Variants in CDC42BPG observed in about 807,000 individuals in gnomAD.
CDC42BPG encodes CDC42 binding protein kinase gamma.
A neutral mutation model predicts 192.2 loss-of-function variants in CDC42BPG; 157 were observed. That is an observed-to-expected ratio of 0.82 (90% CI 0.72 to 0.93). The LOEUF (loss-of-function observed/expected upper bound fraction) is 0.93. CDC42BPG is among the 40% of genes least tolerant of loss of function. CDC42BPG has a pLI of 0.00. For synonymous variants in CDC42BPG, 981 were observed against 918.5 expected (o/e 1.07, Z -1.23); for missense variants, 1,992 against 2,122.1 (o/e 0.94, Z 1.20).
chr11:64,830,252 C>G lies in CDC42BPG; in HGVS notation c.3309G>C (p.Gln1103His), dbSNP rs76424532. 814 of 1,607,750 alleles carry G rather than the reference C, an allele frequency of 5.1e-4. 4 individuals carry two copies. The African/African-American group carries it at 9.5e-3, about 19-fold the overall frequency. The change falls in exon 29 of 37, where the codon CAG becomes CAC. Residue 1103 changes from glutamine to histidine, a missense_variant. Physicochemically the swap from Gln to His is conservative, Grantham distance 24. Coordinates refer to ENST00000342711, the MANE Select transcript of CDC42BPG (RefSeq NM_017525.3). The stretch of plus-strand genomic sequence containing the variant: ...CCTCGGTGCCAAGCGCAAGTCGATC[C>G]TGGTCTGGTAGAGGGAGGCAGAGGG... ...PHTLCAAILD[Q>H]DRLALGTEEG...
At chr11:64,838,963 G>T in intron 7 of CDC42BPG, 61 bp from the exon 8 acceptor site, 1 of 1,610,122 alleles carries the variant, frequency 6.2e-7, no homozygotes, top group Non-Finnish European at 8.5e-7. Context: ...CTCACCTGCC[G>T]GTACTTCCAA....
In CDC42BPG at chr11:64,826,340, A is replaced by G. The variant is rs865935137; in HGVS notation, c.4599+130T>C. 13 of 683,746 alleles carry G rather than the reference A, an allele frequency of 1.9e-5. No individual in the cohort carries two copies. The Middle Eastern group carries it at 2.2e-3, about 117-fold the overall frequency. The allele number at this position is 683,746 out of a possible 1,614,324, so 42.4% of individuals were successfully genotyped here. A position where few individuals can be genotyped will look rare whatever the true frequency, so the allele number is the denominator to read the frequency against. ...TGGGGTGAGACAGGTAAGAATCTGC[A>G]TCTCGTAGAATCGAGGGCAGGGATG... On this transcript the variant is annotated intron_variant, in intron 36 of 36. Coordinates refer to ENST00000342711, the MANE Select transcript of CDC42BPG (RefSeq NM_017525.3).
chr11:64,839,298 G>A (rs143260411), intron 6 of CDC42BPG, 65 bp from the exon 7 acceptor site: 54 of 1,582,578 alleles, frequency 3.4e-5, no homozygotes, highest in African/African-American at 1.1e-4. Flanking sequence ...CTGGCTCCTC[G>A]CGATGGCCCT....
chr11:64,834,866 G>A lies in CDC42BPG; in HGVS notation c.2158C>T (p.Leu720Phe). 1 of 1,613,490 alleles carries A rather than the reference G, an allele frequency of 6.2e-7. No homozygotes were observed. Among genetic ancestry groups the A allele is most frequent in the South Asian group, 1.1e-5 (1 of 91,050 alleles). The change falls in exon 18 of 37, where the codon CTC (leucine) becomes TTC (phenylalanine). Residue 720 changes from leucine to phenylalanine, a missense_variant. Leu to Phe is a conservative substitution (Grantham distance 22). This residue lies in a region of CDC42BPG where 1,656 missense variants were observed against 1,844.3 expected (regional missense o/e 0.90). Transcript: ENST00000342711. ...ESLRNVGTQT[L>F]PARPLDHQWK... ...GGGCTCACCAGTGGCCGGGCAGGGA[G>A]CGTCTGGGTGCCTACGTTCCTCAAG...
Position 64,827,302 on chromosome 11 carries a change from TC to T in CDC42BPG, c.4246del (p.Glu1416ArgfsTer12). On this transcript the variant is annotated frameshift_variant, in exon 33 of 37. Coordinates refer to ENST00000342711, the MANE Select transcript of CDC42BPG (RefSeq NM_017525.3). LOFTEE classifies it high-confidence loss of function. ...CCTGCGCTGCTGCTTCTGCTGCTCC[TC>T]CGACACGCGGAAAAAGAAGCGGCGC... ...SKRRFFFRVS[E>X]EQQKQQRREM... 1 of 1,613,876 alleles carries T rather than the reference TC, an allele frequency of 6.2e-7. No homozygotes were observed. The highest frequency in any genetic ancestry group is 8.5e-7 in the Non-Finnish European group (1 of 1,179,918).
intron 26 of CDC42BPG, 47 bp downstream of exon 26, chr11:64,832,557 C>T (rs1393009938): frequency 1.9e-6 from 3 of 1,613,910 alleles, no homozygotes; most frequent in Non-Finnish European, 2.5e-6. Context: ...CCCTGACTGC[C>T]CCCCTTACCA....
intron 28 of CDC42BPG, 143 bp downstream of exon 28, chr11:64,831,362 G>T: frequency 1.4e-6 from 1 of 719,386 alleles, no homozygotes; most frequent in Non-Finnish European, 2.2e-6. Flanking sequence ...CACACAGGAG[G>T]CTGGAGCACA....
chr11:64,827,755 G>T lies in CDC42BPG; in HGVS notation c.3996C>A (p.Phe1332Leu). The T allele has an allele frequency of 1.2e-6, 2 of 1,612,684 alleles. No individual in the cohort carries two copies. Among genetic ancestry groups the T allele is most frequent in the South Asian group, 2.2e-5 (2 of 90,866 alleles). The change falls in exon 31 of 37, where the codon TTC becomes TTA. Residue 1332 changes from phenylalanine to leucine, a missense_variant. Coordinates refer to ENST00000342711, the MANE Select transcript of CDC42BPG (RefSeq NM_017525.3). Reference sequence around the variant, plus strand: ...CAAACACATCGATGGAGTTCTCGCTGAACACTGTCAGGTAGGGGGCCGCAT... The same window carrying T: ...CAAACACATCGATGGAGTTCTCGCTTAACACTGTCAGGTAGGGGGCCGCAT... The part of the protein sequence containing the change: ...WGYAAPYLTV[F>L]SENSIDVFDV...
At position 64,833,746 on chromosome 11, in the gene CDC42BPG, G is replaced by T; in HGVS notation, c.2557C>A (p.Arg853Ser). ...DLRPEGRRSL[R>S]MGAVFPRAPT... is the part of the protein sequence containing the mutation. ...GACCCACCTGTCCTCACCCCCATGC[G>T]CAGGCTGCGTCGGCCCTCCGGCCTC... Residue 853 changes from arginine to serine, a missense_variant, in exon 22 of 37, where the codon CGC becomes AGC. Around this residue, in one of 2 missense-constraint regions of CDC42BPG, gnomAD observed 1,656 missense variants for 1,844.3 expected, o/e 0.90. Coordinates refer to ENST00000342711, the MANE Select transcript of CDC42BPG (RefSeq NM_017525.3). The T allele has an allele frequency of 1.2e-6, 2 of 1,614,008 alleles. No homozygotes were observed. Among genetic ancestry groups the T allele is most frequent in the Non-Finnish European group, 1.7e-6 (2 of 1,179,998 alleles).
Position 64,844,621 on chromosome 11 carries a change from C to T in CDC42BPG, c.-52G>A, listed in dbSNP as rs1227132616. 5 of 1,220,290 alleles carry T rather than the reference C, an allele frequency of 4.1e-6. No homozygotes were observed. The highest frequency in any genetic ancestry group is 3.6e-5 in the South Asian group (1 of 27,404). The allele number at this position is 1,220,290 out of a possible 1,614,324, so 75.6% of individuals were successfully genotyped here. ...GCTACAGTCTGGCCGCCCGCATGCC[C>T]GCCTGTCGGGCCGTCCGTCCGCCCA... On this transcript the variant is annotated 5_prime_UTR_variant, in exon 1 of 37. Coordinates refer to ENST00000342711, the MANE Select transcript of CDC42BPG (RefSeq NM_017525.3).
chr11:64,832,290 G>A, intron 27 of CDC42BPG, 138 bp downstream of exon 27: 1 of 899,448 alleles, frequency 1.1e-6, no homozygotes, highest in Non-Finnish European at 1.8e-6. Context: ...GTGAGACCGG[G>A]CCAGGTGCTC....
rs920256044 is a variant in CDC42BPG, at chr11:64,830,312, A to G, written c.3305-56T>C. ...AGCAGTCCCACTCAATGACACGGAGATTGGGCAGTCCACCTGCCCTGCTGT... is the reference window on the plus strand; with the variant it reads ...AGCAGTCCCACTCAATGACACGGAGGTTGGGCAGTCCACCTGCCCTGCTGT... On this transcript the variant is annotated intron_variant, in intron 28 of 36. Coordinates refer to ENST00000342711, the MANE Select transcript of CDC42BPG (RefSeq NM_017525.3). 2.8e-6 allele frequency: 4 copies of G among 1,433,936 alleles called. No homozygotes were observed. The African/African-American group carries it at 5.6e-5, about 20-fold the overall frequency. 88.8% of individuals were successfully genotyped at this position (1,433,936 alleles called of 1,614,324 possible).
At chr11:64,834,735 T>C in intron 18 of CDC42BPG, 114 bp downstream of exon 18, 1 of 1,336,812 alleles carries the variant, frequency 7.5e-7, no homozygotes. Context: ...TCACTATCTC[T>C]CATGAGCTTG....
intron 1 of CDC42BPG, 27 bp from the exon 2 acceptor site, chr11:64,841,931 A>G (rs777690283): frequency 6.5e-7 from 1 of 1,535,150 alleles, no homozygotes; most frequent in South Asian, 1.2e-5. Context: ...CGGGACTCAG[A>G]GTGCAGGGAG....
rs1214957588 is a variant in CDC42BPG at position 64,832,684 on chromosome 11, G to C, written c.2925C>G (p.Asp975Glu). The change falls in exon 26 of 37, where the codon GAC (aspartate) becomes GAG (glutamate). Residue 975 changes from aspartate (D) to glutamate (E), a missense_variant. By Grantham distance (45) the Asp-to-Glu change is conservative. Around this residue, in one of 2 missense-constraint regions of CDC42BPG, gnomAD observed 1,656 missense variants for 1,844.3 expected, o/e 0.90. Coordinates refer to ENST00000342711, the MANE Select transcript of CDC42BPG (RefSeq NM_017525.3). The stretch of plus-strand genomic sequence containing the variant: ...GGGCGTCAAACAGCAGCAGGCGTGA[G>C]TCACTCAGGGCAGCAAACACGCGCT... Reference protein sequence around the residue: ...GWQRVFAALSDSRLLLFDAPD... With the variant: ...GWQRVFAALSESRLLLFDAPD... 1.9e-6 allele frequency: 3 copies of C among 1,613,520 alleles called. No homozygotes were observed. Among genetic ancestry groups the C allele is most frequent in the Non-Finnish European group, 2.5e-6 (3 of 1,179,944 alleles).
At chr11:64,837,564 G>A (rs542931984) in intron 9 of CDC42BPG, among the ~76,000 whole-genome samples, 2 of 152,342 alleles carry the variant, frequency 1.3e-5, no homozygotes, top group African/African-American at 2.4e-5. Flanking sequence ...GCGTTCAAGC[G>A]ATTCTCGCTG....
chr11:64,839,092 C>T lies in CDC42BPG; in HGVS notation c.817G>A (p.Glu273Lys), dbSNP rs1461133480. The T allele has an allele frequency of 6.2e-7, 1 of 1,613,648 alleles. No individual in the cohort carries two copies. Among genetic ancestry groups the T allele is most frequent in the Non-Finnish European group, 8.5e-7 (1 of 1,180,032 alleles). Residue 273 changes from glutamate to lysine, a missense_variant, in exon 7 of 37, where the codon GAG becomes AAG. Glu to Lys is a moderately conservative substitution (Grantham distance 56). Transcript: ENST00000342711. ...GVCAYELLFG[E>K]TPFYAESLVE... ...AAGGACTCAGCATAGAAGGGCGTCTCCCCAAAGAGCAGCTCATAGGCGCAG... is the reference window on the plus strand; with the variant it reads ...AAGGACTCAGCATAGAAGGGCGTCTTCCCAAAGAGCAGCTCATAGGCGCAG...
intron 24 of CDC42BPG, 110 bp downstream of exon 24, chr11:64,833,121 G>A (rs1315466113): frequency 6.3e-6 from 8 of 1,275,810 alleles, no homozygotes; most frequent in South Asian, 2.7e-5. Flanking sequence ...TGAGCAGGAG[G>A]AAATTTGACC....
Position 64,824,414 on chromosome 11 carries a change from G to A in CDC42BPG, c.*59C>T. The A allele has an allele frequency of 8.6e-7, 1 of 1,168,490 alleles. No homozygotes were observed. The highest frequency in any genetic ancestry group is 1.7e-5 in the Admixed American group (1 of 59,558). 72.4% of individuals were successfully genotyped at this position (1,168,490 alleles called of 1,614,324 possible). A position where few individuals can be genotyped will look rare whatever the true frequency, so the allele number is the denominator to read the frequency against. ...CCAGCCGGAGTATGGCATTCCTCAAGCTCTTTGCTCCCTCATGTCCTTCTG... is the reference window on the plus strand; with the variant it reads ...CCAGCCGGAGTATGGCATTCCTCAAACTCTTTGCTCCCTCATGTCCTTCTG... On this transcript the variant is annotated 3_prime_UTR_variant, in exon 37 of 37. Coordinates refer to ENST00000342711, the MANE Select transcript of CDC42BPG (RefSeq NM_017525.3).
Sources: allele counts gnomAD v4.1 joint callset (sites outside exome capture counted in the v4.1 genomes callset), GRCh38; gene constraint gnomAD v4.1.1; regional missense constraint gnomAD v4.1.1; transcripts MANE v1.5; gene names NCBI Gene and HGNC (gene_info 2026-07-23, HGNC 2026-07-21).